The following MRPS27 variants were observed in gnomAD, a reference collection of about 807,000 sequenced individuals.
MRPS27 encodes the protein mitochondrial ribosomal protein S27.
MRPS27 carries 43 observed loss-of-function variants against 48.9 expected under a neutral mutation model. The observed-to-expected ratio is 0.88, with a 90% CI of 0.69 to 1.13. The LOEUF is 1.13. Among genes scored for constraint, MRPS27 ranks in the 50% most tolerant of loss-of-function variants. The pLI is 0.00. For synonymous variants in MRPS27, 188 were observed against 171.9 expected (o/e 1.09, Z -0.73); for missense variants, 467 against 476.3 (o/e 0.98, Z 0.18).
chr5:72,280,470 G>GA lies in MRPS27; in HGVS notation c.281+15060dup, dbSNP rs201059325. ...AAACAAGAAATGATTTTAAAAATAT[G>GA]AAAAAAATGTATATTTCATTCTAAC... is the stretch of plus-strand genomic sequence containing the variant. On this transcript the variant is annotated intron_variant, in intron 4 of 10. Coordinates refer to ENST00000261413, the MANE Select transcript of MRPS27 (RefSeq NM_015084.3). Among the ~76,000 whole-genome samples the GA allele has an allele frequency of 2.3e-3, 352 of 151,982 alleles. 3 individuals are homozygous for GA. Among genetic ancestry groups the GA allele is most frequent in the Admixed American group, 0.018 (272 of 15,280 alleles).
chr5:72,224,864 T>A (rs868342841), intron 9 of MRPS27, among the ~76,000 whole-genome samples: 1 of 152,168 alleles, frequency 6.6e-6, no homozygotes, highest in South Asian at 2.1e-4. Flanking sequence ...AAATGGGATA[T>A]TAACAACAGC....
At chr5:72,269,497 A>G (rs1206761769) in intron 4 of MRPS27, among the ~76,000 whole-genome samples, 2 of 152,256 alleles carry the variant, frequency 1.3e-5, no homozygotes, top group East Asian at 3.8e-4. Context: ...AAATATTAAA[A>G]CATACTAGCA....
chr5:72,308,528 C>G (rs73761759), intron 2 of MRPS27, among the ~76,000 whole-genome samples: 9,618 of 152,238 alleles, frequency 0.063, 550 homozygotes, highest in African/African-American at 0.15. Context: ...TACCCGACAG[C>G]CCCGCGCCCA....
At chr5:72,252,293 AAT>A (rs1176702949) in intron 4 of MRPS27, among the ~76,000 whole-genome samples, 6 of 151,904 alleles carry the variant, frequency 3.9e-5, no homozygotes, top group Non-Finnish European at 7.3e-5. Flanking sequence ...TCTCTGAATG[AAT>A]ACTTATAAAA....
At chr5:72,293,435 G>A (rs1749885891) in intron 4 of MRPS27, among the ~76,000 whole-genome samples, 1 of 152,130 alleles carries the variant, frequency 6.6e-6, no homozygotes, top group Non-Finnish European at 1.5e-5. Flanking sequence ...TTAAACAGTG[G>A]CTCAGATTTA....
chr5:72,269,490 T>C (rs1361459696), intron 4 of MRPS27, among the ~76,000 whole-genome samples: 2 of 152,224 alleles, frequency 1.3e-5, no homozygotes, highest in Non-Finnish European at 2.9e-5. Flanking sequence ...TTTTCCTAAA[T>C]ATTAAAACAT....
intron 4 of MRPS27, among the ~76,000 whole-genome samples, chr5:72,287,946 G>A (rs1749718485): frequency 6.6e-6 from 1 of 152,166 alleles, no homozygotes; most frequent in African/African-American, 2.4e-5. Flanking sequence ...TCTATACAAA[G>A]ACTTGTGCAT....
chr5:72,267,896 G>C (rs1434732245), intron 4 of MRPS27, among the ~76,000 whole-genome samples: 1 of 152,038 alleles, frequency 6.6e-6, no homozygotes, highest in African/African-American at 2.4e-5. Context: ...GAACTTATGT[G>C]AATCACTGCA....
intron 7 of MRPS27, chr5:72,229,181 T>C (rs1747982531): frequency 1.3e-5 from 2 of 152,134 alleles, no homozygotes; most frequent in Non-Finnish European, 2.9e-5. Context: ...CTTCAAAACA[T>C]AGAACACTAA....
At chr5:72,259,655 A>G (rs1313538680) in intron 4 of MRPS27, among the ~76,000 whole-genome samples, 1 of 152,138 alleles carries the variant, frequency 6.6e-6, no homozygotes, top group Non-Finnish European at 1.5e-5. Context: ...CAGAGCTGGT[A>G]TTCTGGTGTT....
intron 5 of MRPS27, among the ~76,000 whole-genome samples, chr5:72,236,421 T>A (rs1282471127): frequency 1.3e-5 from 2 of 152,102 alleles, no homozygotes; most frequent in Non-Finnish European, 2.9e-5. Context: ...ACAGCCTGGA[T>A]CTTCTGATTT....
chr5:72,271,932 C>T (rs1749251905), intron 4 of MRPS27, among the ~76,000 whole-genome samples: 1 of 152,118 alleles, frequency 6.6e-6, no homozygotes, highest in Admixed American at 6.6e-5. Flanking sequence ...AAACAGCCAT[C>T]CAACGAATTA....
At chr5:72,246,260 A>T (rs1487112063) in intron 4 of MRPS27, among the ~76,000 whole-genome samples, 2 of 152,248 alleles carry the variant, frequency 1.3e-5, no homozygotes, top group Non-Finnish European at 2.9e-5. Flanking sequence ...GGCTAAAATA[A>T]AGTTGAAGCC....
Position 72,291,091 on chromosome 5 carries a change from T to A in MRPS27, c.281+4440A>T, listed in dbSNP as rs1391412118. 3.3e-5 allele frequency among the ~76,000 whole-genome samples: 5 copies of A among 152,280 alleles called. No individual in the cohort carries two copies. The East Asian group carries it at 5.8e-4, about 18-fold the overall frequency. On this transcript the variant is annotated intron_variant, in intron 4 of 10. Coordinates refer to ENST00000261413, the MANE Select transcript of MRPS27 (RefSeq NM_015084.3). Reference sequence around the variant, plus strand: ...ACTCCTCACCACACCTTTTTTCCGGTGCTGTAGGGAAACTTGGGAGACTGG... The same window carrying A: ...ACTCCTCACCACACCTTTTTTCCGGAGCTGTAGGGAAACTTGGGAGACTGG...
intron 4 of MRPS27, among the ~76,000 whole-genome samples, chr5:72,269,748 C>G (rs754157458): frequency 4.6e-5 from 7 of 151,972 alleles, no homozygotes; most frequent in African/African-American, 7.3e-5. Context: ...TCACACAAAT[C>G]AAATCTAACT....
At chr5:72,294,722 G>A (rs998368375) in intron 4 of MRPS27, 2 of 151,680 alleles carry the variant, frequency 1.3e-5, no homozygotes, top group Admixed American at 6.6e-5. Context: ...TGGTAATGTA[G>A]AAAAGGTTTT....
chr5:72,304,318 A>G (rs1750200297), intron 2 of MRPS27, among the ~76,000 whole-genome samples: 1 of 152,210 alleles, frequency 6.6e-6, no homozygotes, highest in Admixed American at 6.5e-5. Flanking sequence ...AGATGAAACC[A>G]ATCACAAAAT....
intron 7 of MRPS27, among the ~76,000 whole-genome samples, chr5:72,231,893 A>G (rs903354887): frequency 3.3e-5 from 5 of 152,132 alleles, no homozygotes; most frequent in Non-Finnish European, 7.4e-5. Context: ...GCATTAATAC[A>G]TTTAAAACAA....
At chr5:72,271,200 C>T (rs145599839) in intron 4 of MRPS27, among the ~76,000 whole-genome samples, 4 of 152,150 alleles carry the variant, frequency 2.6e-5, no homozygotes, top group Non-Finnish European at 4.4e-5. Flanking sequence ...ATGTATTTCT[C>T]GTCACAGATA....
Sources: allele counts gnomAD v4.1 joint callset (sites outside exome capture counted in the v4.1 genomes callset), GRCh38; gene constraint gnomAD v4.1.1; transcripts MANE v1.5; gene names NCBI Gene and HGNC (gene_info 2026-07-23, HGNC 2026-07-21).